Variants in ADAM11 observed in about 807,000 individuals in gnomAD.
ADAM11 encodes ADAM metallopeptidase domain 11, also known as disintegrin and metalloproteinase domain-containing protein 11.
ADAM11 carries 49 observed loss-of-function variants against 119.1 expected under a neutral mutation model. The ratio of observed to expected loss-of-function variants is 0.41; its 90% confidence interval spans 0.33 to 0.52. ADAM11 has a LOEUF of 0.52. ADAM11 is among the 20% of genes least tolerant of loss of function. The pLI, the probability that ADAM11 is intolerant of heterozygous loss-of-function variation, is 0.20. For synonymous variants in ADAM11, 364 were observed against 408.0 expected, an observed-to-expected ratio of 0.89 and a Z score of 1.30; for missense variants, 777 against 1,047.5, an observed-to-expected ratio of 0.74 and a Z score of 3.56.
At chr17:44,770,488 T>TCACCCCCCCCCCCCCCCC (rs1158996609) in intron 4 of ADAM11, among the ~76,000 whole-genome samples, 1 of 60,246 alleles carries the variant, frequency 1.7e-5, no homozygotes, top group African/African-American at 5.3e-5. Flanking sequence ...ATAGCCTGTC[T>TCACCCCCCCCCCCCCCCC]CCCCCCCCCC....
chr17:44,779,840 A>G lies in ADAM11; in HGVS notation c.*86A>G. 1.3e-6 allele frequency: 2 copies of G among 1,553,144 alleles called. No individual in the cohort carries two copies. Among genetic ancestry groups the G allele is most frequent in the Non-Finnish European group, 1.8e-6 (2 of 1,128,208 alleles). ...CCCCCATCCAGCCACGGAGGGAGGC[A>G]CCATGCAAATGTCTTCCAGGTCCAA... On this transcript the variant is annotated 3_prime_UTR_variant, in exon 27 of 27. Transcript: ENST00000200557.
intron 2 of ADAM11, among the ~76,000 whole-genome samples, chr17:44,767,055 T>C (rs1209821998): frequency 6.6e-6 from 1 of 151,772 alleles, no homozygotes; most frequent in Non-Finnish European, 1.5e-5. Context: ...AATTAATTAA[T>C]TAATTTTAAA....
intron 14 of ADAM11, 32 bp downstream of exon 14, chr17:44,774,781 C>A: frequency 6.3e-7 from 1 of 1,587,556 alleles, no homozygotes; most frequent in Non-Finnish European, 8.5e-7. Context: ...GGGGGAAGGT[C>A]TTGGGCGAGG....
In ADAM11 at chr17:44,779,860, G is replaced by C. The variant is rs754020895; in HGVS notation, c.*106G>C. Reference sequence around the variant, plus strand: ...GAGGCACCATGCAAATGTCTTCCAGGTCCAAACCCTTCAACTCCTGGCTCC... The same window carrying C: ...GAGGCACCATGCAAATGTCTTCCAGCTCCAAACCCTTCAACTCCTGGCTCC... On this transcript the variant is annotated 3_prime_UTR_variant, in exon 27 of 27. Transcript: ENST00000200557. The C allele has an allele frequency of 5.4e-6, 8 of 1,487,408 alleles. No individual in the cohort carries two copies. The highest frequency in any genetic ancestry group is 7.4e-6 in the Non-Finnish European group (8 of 1,074,584). 92.1% of individuals were successfully genotyped at this position (1,487,408 alleles called of 1,614,324 possible). A position where few individuals can be genotyped will look rare whatever the true frequency, so the allele number is the denominator to read the frequency against.
chr17:44,775,192 C>T lies in ADAM11; in HGVS notation c.1221-20C>T, dbSNP rs370443345. ...GGTTGGAGGGGAGCAGCCAGCAGCA[C>T]CTCCCCTCGCCCTATCCAGGTTCTA... On this transcript the variant is annotated intron_variant, in intron 14 of 26. Coordinates refer to ENST00000200557, the MANE Select transcript of ADAM11 (RefSeq NM_002390.6). The surrounding 1 kb of genome is among the most constrained non-coding windows in gnomAD (Gnocchi z 7.5). 1.3e-6 allele frequency: 2 copies of T among 1,591,958 alleles called. No individual in the cohort carries two copies. The highest frequency in any genetic ancestry group is 2.2e-5 in the South Asian group (2 of 90,548).
chr17:44,760,808 C>T (rs1037432720), intron 2 of ADAM11, among the ~76,000 whole-genome samples: 4 of 151,972 alleles, frequency 2.6e-5, no homozygotes, highest in Admixed American at 6.6e-5. Flanking sequence ...GCTAACATTA[C>T]GGACATCTGT....
At position 44,775,767 on chromosome 17, in the gene ADAM11, G is replaced by A. The variant is rs2049592805; in HGVS notation, c.1485+91G>A. 5 of 1,350,840 alleles carry A rather than the reference G, an allele frequency of 3.7e-6. No homozygotes were observed. The highest frequency in any genetic ancestry group is 5.0e-6 in the Non-Finnish European group (5 of 999,348). 83.7% of individuals were successfully genotyped at this position (1,350,840 alleles called of 1,614,324 possible). On this transcript the variant is annotated intron_variant, in intron 17 of 26. Coordinates refer to ENST00000200557, the MANE Select transcript of ADAM11 (RefSeq NM_002390.6). This position sits in a 1 kb window ranked among gnomAD's most constrained non-coding sequence, Gnocchi z 7.5. ...GGGGTGGGAGCTAGGGAGGGAAGCGGAGCCTTCGGGGACGAAGGCCTCTGG... is the reference window on the plus strand; with the variant it reads ...GGGGTGGGAGCTAGGGAGGGAAGCGAAGCCTTCGGGGACGAAGGCCTCTGG...
chr17:44,769,488 A>G (rs1396772545), intron 2 of ADAM11, among the ~76,000 whole-genome samples: 1 of 152,216 alleles, frequency 6.6e-6, no homozygotes, highest in East Asian at 1.9e-4. Context: ...AGAGGGCAGA[A>G]AGGGGGCTGT....
chr17:44,763,959 C>T (rs1206988287), intron 2 of ADAM11, among the ~76,000 whole-genome samples: 1 of 152,182 alleles, frequency 6.6e-6, no homozygotes, highest in Non-Finnish European at 1.5e-5. Context: ...TCAAGTGATC[C>T]ACCCGCCTTG....
At chr17:44,767,159 G>A (rs912250884) in intron 2 of ADAM11, among the ~76,000 whole-genome samples, 30 of 151,902 alleles carry the variant, frequency 2.0e-4, no homozygotes, top group Non-Finnish European at 4.3e-4. Flanking sequence ...TTCAAGACAA[G>A]CCTGGCCAAG....
Position 44,777,880 on chromosome 17 carries a change from T to A in ADAM11, c.2070+17T>A, listed in dbSNP as rs2070603. ...CACCACGGGGTGACTGCCTGGAGCCTGGGATGGCGGGAGAAGCTTACAAGA... is the reference window on the plus strand; with the variant it reads ...CACCACGGGGTGACTGCCTGGAGCCAGGGATGGCGGGAGAAGCTTACAAGA... On this transcript the variant is annotated intron_variant, in intron 23 of 26. Transcript: ENST00000200557. This position sits in a 1 kb window ranked among gnomAD's most constrained non-coding sequence, Gnocchi z 5.1. The A allele has an allele frequency of 6.2e-7, 1 of 1,613,282 alleles. No individual in the cohort carries two copies. The highest frequency in any genetic ancestry group is 2.2e-5 in the East Asian group (1 of 44,876).
chr17:44,775,397 C>G lies in ADAM11; in HGVS notation c.1324C>G (p.Leu442Val). ...SCLFNKPLKL[L>V]DPPECGNGFV... Reference sequence around the variant, plus strand: ...CCGACCTGTCCTCCCGGTCCAGCTCCTGGACCCCCCAGAGTGCGGGAACGG... The same window carrying G: ...CCGACCTGTCCTCCCGGTCCAGCTCGTGGACCCCCCAGAGTGCGGGAACGG... The change falls in exon 16 of 27, where the codon CTG (leucine) becomes GTG (valine). Residue 442 changes from leucine (L) to valine (V), a missense_variant. Transcript: ENST00000200557. The surrounding 1 kb of genome is among the most constrained non-coding windows in gnomAD (Gnocchi z 7.5). The G allele has an allele frequency of 6.2e-7, 1 of 1,612,520 alleles. No homozygotes were observed. The highest frequency in any genetic ancestry group is 8.5e-7 in the Non-Finnish European group (1 of 1,179,780).
chr17:44,775,139 C>T lies in ADAM11; in HGVS notation c.1221-73C>T. 7.7e-7 allele frequency: 1 copy of T among 1,306,428 alleles called. No individual in the cohort carries two copies. 80.9% of individuals were successfully genotyped at this position (1,306,428 alleles called of 1,614,324 possible). A position where few individuals can be genotyped will look rare whatever the true frequency, so the allele number is the denominator to read the frequency against. ...GTGACGAAGTCCCCCAGTGTACCCC[C>T]TCCCCAGCCTTGAGAGGGGTGAGGG... On this transcript the variant is annotated intron_variant, in intron 14 of 26. Coordinates refer to ENST00000200557, the MANE Select transcript of ADAM11 (RefSeq NM_002390.6). This position sits in a 1 kb window ranked among gnomAD's most constrained non-coding sequence, Gnocchi z 7.5.
Position 44,773,256 on chromosome 17 carries a change from C to T in ADAM11, c.826-5C>T. The T allele has an allele frequency of 6.2e-7, 1 of 1,613,410 alleles. No individual in the cohort carries two copies. The highest frequency in any genetic ancestry group is 1.7e-5 in the Admixed American group (1 of 59,992). On this transcript the variant is annotated splice_region_variant and splice_polypyrimidine_tract_variant and intron_variant, in intron 10 of 26. Coordinates refer to ENST00000200557, the MANE Select transcript of ADAM11 (RefSeq NM_002390.6). The surrounding 1 kb of genome is among the most constrained non-coding windows in gnomAD (Gnocchi z 4.6). ...CACCCTCCAGCCCCCTCATCTTCTC[C>T]CCAGATATACAAGGAGCAGCTCAAC...
At position 44,769,709 on chromosome 17, in the gene ADAM11, C is replaced by A; in HGVS notation, c.238-9C>A. On this transcript the variant is annotated splice_polypyrimidine_tract_variant and intron_variant, in intron 2 of 26. Coordinates refer to ENST00000200557, the MANE Select transcript of ADAM11 (RefSeq NM_002390.6). ...GGGTTGACTCCCCCTCTGCCCTCCC[C>A]CCACCCAGCCTGTCCATCTGGCCCA... The A allele has an allele frequency of 6.5e-7, 1 of 1,544,006 alleles. No individual in the cohort carries two copies. The highest frequency in any genetic ancestry group is 9.0e-7 in the Non-Finnish European group (1 of 1,116,202).
Position 44,775,484 on chromosome 17 carries a change from G to C in ADAM11, c.1392+19G>C, listed in dbSNP as rs201298711. ...GGTGCAGGTGAGCGGTGGTGCGGGCGCCAGGTGGGGAACCGGGATGCGGGG... is the reference window on the plus strand; with the variant it reads ...GGTGCAGGTGAGCGGTGGTGCGGGCCCCAGGTGGGGAACCGGGATGCGGGG... On this transcript the variant is annotated intron_variant, in intron 16 of 26. Transcript: ENST00000200557. This position sits in a 1 kb window ranked among gnomAD's most constrained non-coding sequence, Gnocchi z 7.5. The C allele has an allele frequency of 4.4e-6, 7 of 1,600,232 alleles. No individual in the cohort carries two copies. The highest frequency in any genetic ancestry group is 1.1e-5 in the South Asian group (1 of 90,376).
At position 44,775,785 on chromosome 17, in the gene ADAM11, G is replaced by T; in HGVS notation, c.1485+109G>T. 8.6e-7 allele frequency: 1 copy of T among 1,159,520 alleles called. No individual in the cohort carries two copies. The highest frequency in any genetic ancestry group is 1.2e-6 in the Non-Finnish European group (1 of 832,112). The allele number at this position is 1,159,520 out of a possible 1,614,324, so 71.8% of individuals were successfully genotyped here. A position where few individuals can be genotyped will look rare whatever the true frequency, so the allele number is the denominator to read the frequency against. Reference sequence around the variant, plus strand: ...GGAAGCGGAGCCTTCGGGGACGAAGGCCTCTGGGGCAGGGCTTGATGCGAA... The same window carrying T: ...GGAAGCGGAGCCTTCGGGGACGAAGTCCTCTGGGGCAGGGCTTGATGCGAA... On this transcript the variant is annotated intron_variant, in intron 17 of 26. Coordinates refer to ENST00000200557, the MANE Select transcript of ADAM11 (RefSeq NM_002390.6). The surrounding 1 kb of genome is among the most constrained non-coding windows in gnomAD (Gnocchi z 7.5).
Position 44,777,159 on chromosome 17 carries a change from C to CGAGA in ADAM11, c.1682-7_1682-6insGAGA, listed in dbSNP as rs775933394. 1.3e-6 allele frequency: 2 copies of CGAGA among 1,594,154 alleles called. No homozygotes were observed. Among genetic ancestry groups the CGAGA allele is most frequent in the Non-Finnish European group, 1.7e-6 (2 of 1,171,100 alleles). ...GCGTGGGGTCACTTGGCATCCTCTC[C>CGAGA]CCACAGCGGCTGCTGATCGCTTCTG... On this transcript the variant is annotated splice_polypyrimidine_tract_variant and splice_region_variant and intron_variant, in intron 20 of 26. Transcript: ENST00000200557. This position sits in a 1 kb window ranked among gnomAD's most constrained non-coding sequence, Gnocchi z 5.1.
intron 5 of ADAM11, 40 bp downstream of exon 5, chr17:44,771,709 T>G: frequency 1.9e-6 from 3 of 1,611,466 alleles, no homozygotes; most frequent in Non-Finnish European, 2.5e-6. Context: ...GAGAAGCCTC[T>G]GGCCCAGGCC....
Sources: allele counts gnomAD v4.1 joint callset (sites outside exome capture counted in the v4.1 genomes callset), GRCh38; gene constraint gnomAD v4.1.1; non-coding constraint Gnocchi (gnomAD v3.1); transcripts MANE v1.5; gene names NCBI Gene and HGNC (gene_info 2026-07-23, HGNC 2026-07-21).